PARVB: variants seen among roughly 807,000 people sequenced by gnomAD.
PARVB encodes beta-parvin.
A neutral mutation model predicts 47.0 loss-of-function variants in PARVB; 46 were observed. The ratio of observed to expected loss-of-function variants is 0.98; its 90% CI spans 0.77 to 1.25. PARVB has a LOEUF of 1.25. PARVB is among the 50% of genes most tolerant of loss of function. The pLI, the probability that PARVB is intolerant of heterozygous loss-of-function variation, is 0.00. For missense variants in PARVB, 473 were observed against 471.6 expected (o/e 1.00, Z -0.03); for synonymous variants, 196 against 196.3 (o/e 1.00, Z 0.01).
chr22:44,146,267 G>GCA (rs10552530), intron 8 of PARVB: 5 of 133,736 alleles, frequency 3.7e-5, no homozygotes, highest in East Asian at 4.8e-4. Flanking sequence ...CACGCTCACA[G>GCA]CACACACACA....
At chr22:44,039,358 C>A (rs1290106910) in intron 1 of PARVB, among the ~76,000 whole-genome samples, 1 of 152,006 alleles carries the variant, frequency 6.6e-6, no homozygotes, top group Non-Finnish European at 1.5e-5. Flanking sequence ...CAAGACCAGT[C>A]TGGCCAACAT....
intron 2 of PARVB, among the ~76,000 whole-genome samples, chr22:44,013,715 C>T (rs1291344273): frequency 6.6e-6 from 1 of 152,042 alleles, no homozygotes; most frequent in Non-Finnish European, 1.5e-5. Flanking sequence ...TCACTGCAAC[C>T]TCCACCTCCT....
At chr22:44,119,984 T>A in intron 4 of PARVB, 2 of 417,906 alleles carry the variant, frequency 4.8e-6, no homozygotes, top group Non-Finnish European at 9.7e-6. Flanking sequence ...TAGTGGGTTC[T>A]CACGATGCCT....
intron 1 of PARVB, among the ~76,000 whole-genome samples, chr22:44,055,425 C>G (rs1040031238): frequency 2.0e-5 from 3 of 147,408 alleles, no homozygotes; most frequent in Non-Finnish European, 3.0e-5. Flanking sequence ...ACCTCTGACT[C>G]CCTGGTTCAA....
intron 1 of PARVB, 25 bp downstream of exon 1, chr22:44,024,476 AC>A: frequency 1.8e-6 from 2 of 1,112,600 alleles, no homozygotes; most frequent in East Asian, 4.9e-5. Flanking sequence ...GCGCCCGCCG[AC>A]CCCCGGGGAC....
intron 1 of PARVB, among the ~76,000 whole-genome samples, chr22:44,047,902 G>A (rs966988241): frequency 3.3e-5 from 5 of 152,208 alleles, no homozygotes; most frequent in African/African-American, 1.2e-4. Context: ...GCATCTTGGG[G>A]GTGGGCGGTG....
intron 8 of PARVB, chr22:44,146,898 G>C (rs2053697535): frequency 6.6e-6 from 1 of 152,486 alleles, no homozygotes. Context: ...GGAACCTGGA[G>C]GATGGAAGTT....
intron 12 of PARVB, among the ~76,000 whole-genome samples, chr22:44,166,735 G>T (rs1159615341): frequency 6.6e-6 from 1 of 152,264 alleles, no homozygotes; most frequent in Admixed American, 6.5e-5. Flanking sequence ...ACTGGGCAGG[G>T]GCCAAGCCGC....
rs1446513630 is a variant in PARVB, at chr22:44,121,299, GC to G, written c.376+2162del. ...CTACAGGTGTGAGCTACCATGCTCAGCCCTTCTTTCCTTTTTAATACATGGT... is the reference window on the plus strand; with the variant it reads ...CTACAGGTGTGAGCTACCATGCTCAGCCTTCTTTCCTTTTTAATACATGGT... On this transcript the variant is annotated intron_variant, in intron 4 of 12. Coordinates refer to ENST00000338758, the MANE Select transcript of PARVB (RefSeq NM_013327.5). Among the ~76,000 whole-genome samples, 6 of 152,258 alleles carry G rather than the reference GC, an allele frequency of 3.9e-5. No homozygotes were observed. In the South Asian group the frequency reaches 6.2e-4, roughly 16 times the overall value.
intron 4 of PARVB, among the ~76,000 whole-genome samples, chr22:44,121,295 C>T (rs779120323): frequency 6.6e-5 from 10 of 152,148 alleles, no homozygotes; most frequent in Non-Finnish European, 1.5e-4. Flanking sequence ...AGCTACCATG[C>T]TCAGCCCTTC....
At position 44,073,265 on chromosome 22, in the gene PARVB, G is replaced by A. The variant is rs148389028; in HGVS notation, c.113-20663G>A. Among the ~76,000 whole-genome samples, 1,142 of 152,280 alleles carry A rather than the reference G, an allele frequency of 7.5e-3. 14 individuals carry two copies. The highest frequency in any genetic ancestry group is 0.024 in the Middle Eastern group (7 of 294). On this transcript the variant is annotated intron_variant, in intron 1 of 12. Coordinates refer to ENST00000338758, the MANE Select transcript of PARVB (RefSeq NM_013327.5). ...AGCACTTTGGGAGGCTGAGGCGGGC[G>A]GATCACCGGAGGTCAGGGGTTCGAG...
rs538537191 is a variant in PARVB at position 44,101,394 on chromosome 22, C to T, written c.273+1271C>T. On this transcript the variant is annotated intron_variant, in intron 3 of 12. Transcript: ENST00000338758. ...CACTGCACTCCAACCTGGGCGACAG[C>T]GAGGCTCCGTCTCAAAAAAAAATAA... Among the ~76,000 whole-genome samples, 17 of 146,654 alleles carry T rather than the reference C, an allele frequency of 1.2e-4. No homozygotes were observed. In the East Asian group the frequency reaches 2.4e-3, roughly 21 times the overall value.
intron 1 of PARVB, among the ~76,000 whole-genome samples, chr22:44,035,491 C>G (rs966089213): frequency 6.6e-6 from 1 of 151,898 alleles, no homozygotes; most frequent in Non-Finnish European, 1.5e-5. Context: ...CTGCCTCAGC[C>G]TCCCAAGTAG....
At chr22:44,151,663 A>G in intron 10 of PARVB, 112 bp downstream of exon 10, 1 of 819,130 alleles carries the variant, frequency 1.2e-6, no homozygotes, top group Non-Finnish European at 2.1e-6. Flanking sequence ...TCATCTCACA[A>G]GGAACTCCCG....
rs576665105 is a variant in PARVB, at chr22:44,054,362, G to T, written c.112+29911G>T. ...CCCTAGTAGCAGGCACTACAGCCGC[G>T]CACTACAACGCTTGGCTAACTTTTA... On this transcript the variant is annotated intron_variant, in intron 1 of 12. Transcript: ENST00000338758. 1.6e-4 allele frequency among the ~76,000 whole-genome samples: 25 copies of T among 152,240 alleles called. No individual in the cohort carries two copies. The South Asian group carries it at 5.2e-3, about 32-fold the overall frequency.
At chr22:44,034,163 G>A (rs1471238929) in intron 1 of PARVB, among the ~76,000 whole-genome samples, 1 of 149,946 alleles carries the variant, frequency 6.7e-6, no homozygotes, top group Non-Finnish European at 1.5e-5. Context: ...TCATTGCATT[G>A]TGTCTGCATT....
intron 2 of PARVB, among the ~76,000 whole-genome samples, chr22:44,010,129 A>C (rs2050507714): frequency 6.6e-6 from 1 of 152,146 alleles, no homozygotes; most frequent in Non-Finnish European, 1.5e-5. Flanking sequence ...TAAAATTGCA[A>C]ATGTAATTCC....
At chr22:44,139,866 G>C (rs1255641492) in intron 7 of PARVB, 2 of 518,864 alleles carry the variant, frequency 3.9e-6, no homozygotes, top group Non-Finnish European at 3.5e-6. Flanking sequence ...TACCAGGGTG[G>C]TTAATGTGCA....
At chr22:44,003,990 C>G (rs1050160631) in intron 2 of PARVB, among the ~76,000 whole-genome samples, 11 of 152,196 alleles carry the variant, frequency 7.2e-5, no homozygotes, top group Admixed American at 7.2e-4. Flanking sequence ...GCCCCTAGTT[C>G]TGTTTGGAGA....
Sources: gnomAD v4.1 joint callset for allele counts (sites outside exome capture counted in the v4.1 genomes callset) on GRCh38, gnomAD v4.1.1 for gene constraint, MANE v1.5 for transcripts, NCBI Gene and HGNC (gene_info 2026-07-23, HGNC 2026-07-21) for gene names.